Variants in UNC13C observed in about 807,000 individuals in gnomAD.
UNC13C encodes protein unc-13 homolog C.
A neutral mutation model predicts 245.4 loss-of-function variants in UNC13C; 174 were observed. The observed-to-expected ratio is 0.71, with a 90% CI of 0.63 to 0.80. The LOEUF (loss-of-function observed/expected upper bound fraction) is 0.80, where lower values mean the gene tolerates loss of function less well. Among genes scored for constraint, UNC13C ranks in the 30% least tolerant of loss-of-function variants. The pLI, the probability that UNC13C is intolerant of heterozygous loss-of-function variation, is 0.00. For missense variants in UNC13C, 2,829 were observed against 2,602.9 expected (o/e 1.09, Z -1.89); for synonymous variants, 992 against 895.1 (o/e 1.11, Z -1.93).
chr15:53,990,486 T>A (rs1224748290), intron 1 of UNC13C, among the ~76,000 whole-genome samples: 1 of 152,086 alleles, frequency 6.6e-6, no homozygotes, highest in African/African-American at 2.4e-5. Flanking sequence ...GAAGGACATA[T>A]TGGAGTTACA....
chr15:54,176,186 C>A (rs1256903222), intron 4 of UNC13C, among the ~76,000 whole-genome samples: 4 of 63,780 alleles, frequency 6.3e-5, no homozygotes, highest in Admixed American at 1.3e-4. Flanking sequence ...TCTTCAAGAT[C>A]GTAGTTTTTT....
chr15:53,917,951 T>C, the UNC13C span, among the ~76,000 whole-genome samples: 1 of 152,188 alleles, frequency 6.6e-6, no homozygotes, highest in Non-Finnish European at 1.5e-5. Context: ...TGCTCAATAA[T>C]GTTGAGTTTA....
chr15:54,070,119 A>G (rs905190595), intron 2 of UNC13C, among the ~76,000 whole-genome samples: 1 of 152,198 alleles, frequency 6.6e-6, no homozygotes, highest in African/African-American at 2.4e-5. Flanking sequence ...TTTTACCACA[A>G]TGTCTCCCAC....
the UNC13C span, among the ~76,000 whole-genome samples, chr15:53,872,433 A>T: frequency 2.0e-5 from 3 of 152,020 alleles, no homozygotes; most frequent in Non-Finnish European, 4.4e-5. Context: ...AAGAACTTCA[A>T]CTCAAGTTAG....
intron 4 of UNC13C, among the ~76,000 whole-genome samples, chr15:54,219,845 A>G (rs902542830): frequency 6.6e-6 from 1 of 151,876 alleles, no homozygotes; most frequent in Non-Finnish European, 1.5e-5. Flanking sequence ...ACATGAAAAA[A>G]TGCTCATCAT....
intron 2 of UNC13C, among the ~76,000 whole-genome samples, chr15:54,065,332 A>G (rs960371146): frequency 2.6e-5 from 4 of 152,090 alleles, no homozygotes; most frequent in African/African-American, 9.7e-5. Context: ...CCACTCTCCG[A>G]TATGCTTTTT....
chr15:54,335,261 A>G (rs2140999998), intron 16 of UNC13C, among the ~76,000 whole-genome samples: 1 of 152,240 alleles, frequency 6.6e-6, no homozygotes, highest in South Asian at 2.1e-4. Context: ...TCTTCAAAAT[A>G]CTGCTTGGCA....
At chr15:53,983,713 C>A (rs1894015825) in intron 1 of UNC13C, among the ~76,000 whole-genome samples, 1 of 151,824 alleles carries the variant, frequency 6.6e-6, no homozygotes, top group Non-Finnish European at 1.5e-5. Context: ...TACTCTCTTT[C>A]TACTTTTTGT....
At chr15:53,945,936 G>A in the UNC13C span, among the ~76,000 whole-genome samples, 1 of 152,020 alleles carries the variant, frequency 6.6e-6, no homozygotes, top group African/African-American at 2.4e-5. Context: ...GCAGCGTTTT[G>A]TATCTCTCAT....
At chr15:54,408,199 CAAAAAAAAA>C (rs71105808) in intron 18 of UNC13C, among the ~76,000 whole-genome samples, 179 of 29,122 alleles carry the variant, frequency 6.1e-3, no homozygotes, top group Non-Finnish European at 0.011. Flanking sequence ...GACTCTGCCT[CAAAAAAAAA>C]AAAAAAAAAA....
chr15:54,523,490 A>G (rs1895314620), intron 24 of UNC13C, among the ~76,000 whole-genome samples: 1 of 152,210 alleles, frequency 6.6e-6, no homozygotes, highest in Admixed American at 6.5e-5. Context: ...TCCAATGTTC[A>G]AATCGCTGTA....
chr15:54,280,092 A>G, intron 10 of UNC13C, among the ~76,000 whole-genome samples: 1 of 152,158 alleles, frequency 6.6e-6, no homozygotes, highest in Non-Finnish European at 1.5e-5. Context: ...TAGCAAAGCT[A>G]CTTTTAATAA....
intron 4 of UNC13C, among the ~76,000 whole-genome samples, chr15:54,148,421 A>G (rs2141246346): frequency 6.6e-6 from 1 of 152,350 alleles, no homozygotes; most frequent in South Asian, 2.1e-4. Context: ...TAGGTTCAAC[A>G]AAGGAATAAA....
chr15:54,111,462 T>C (rs1309374226), intron 2 of UNC13C, among the ~76,000 whole-genome samples: 2 of 152,190 alleles, frequency 1.3e-5, no homozygotes, highest in Non-Finnish European at 2.9e-5. Context: ...ATAACTGTTC[T>C]ACTTGATTGG....
At chr15:54,250,109 G>A in intron 7 of UNC13C, 116 bp from the exon 8 acceptor site, 1 of 910,592 alleles carries the variant, frequency 1.1e-6, no homozygotes, top group Non-Finnish European at 1.7e-6. Flanking sequence ...CAGTGATCCA[G>A]GGGCTCTCTC....
intron 2 of UNC13C, among the ~76,000 whole-genome samples, chr15:54,084,234 C>T (rs1899114565): frequency 6.6e-6 from 1 of 152,198 alleles, no homozygotes; most frequent in Non-Finnish European, 1.5e-5. Flanking sequence ...ATCCACGTCC[C>T]CTTTTTTCTT....
chr15:54,476,483 G>C (rs1892748692), intron 19 of UNC13C, among the ~76,000 whole-genome samples: 2 of 123,548 alleles, frequency 1.6e-5, no homozygotes, highest in African/African-American at 3.1e-5. Flanking sequence ...ATTAATTTTT[G>C]TATAAGGTGT....
intron 19 of UNC13C, among the ~76,000 whole-genome samples, chr15:54,449,100 GC>G (rs551167785): frequency 1.8e-3 from 271 of 152,172 alleles, no homozygotes; most frequent in Middle Eastern, 6.8e-3. Context: ...TTGAATATTG[GC>G]CCCCACTCTC....
intron 2 of UNC13C, among the ~76,000 whole-genome samples, chr15:54,113,643 T>C (rs1479971665): frequency 6.6e-6 from 1 of 152,004 alleles, no homozygotes; most frequent in Admixed American, 6.6e-5. Context: ...TACCTAATAC[T>C]GTGAAACCCC....
Sources: allele counts gnomAD v4.1 joint callset (sites outside exome capture counted in the v4.1 genomes callset), GRCh38; gene constraint gnomAD v4.1.1; transcripts MANE v1.5; gene names NCBI Gene and HGNC (gene_info 2026-07-23, HGNC 2026-07-21).